PKD2L2: variants seen among roughly 807,000 people sequenced by gnomAD.
PKD2L2 encodes the protein polycystin 2 like 2, transient receptor potential cation channel.
A neutral mutation model predicts 83.9 loss-of-function variants in PKD2L2; 67 were observed. The ratio of observed to expected loss-of-function variants is 0.80; its 90% CI spans 0.66 to 0.98. The LOEUF is 0.98. Among genes scored for constraint, PKD2L2 ranks in the 50% least tolerant of loss-of-function variants. The probability of loss-of-function intolerance (pLI) is 0.00; values close to 1 mark genes in which losing one functional copy is unlikely to be tolerated. For missense variants in PKD2L2, 632 were observed against 717.2 expected, an observed-to-expected ratio of 0.88 and a Z score of 1.36; for synonymous variants, 223 against 237.8, an observed-to-expected ratio of 0.94 and a Z score of 0.57.
At position 137,922,372 on chromosome 5, in the gene PKD2L2, T is replaced by C. The variant is rs140432402; in HGVS notation, c.1449+616T>C. ...TTTCTACATTTGTGTTATCTGGACATTAGTAGTTGCAGGAGCTGTAGTAAG... is the reference window on the plus strand; with the variant it reads ...TTTCTACATTTGTGTTATCTGGACACTAGTAGTTGCAGGAGCTGTAGTAAG... On this transcript the variant is annotated intron_variant, in intron 9 of 14. Coordinates refer to ENST00000508883, the MANE Select transcript of PKD2L2 (RefSeq NM_001300921.2). 2.3e-3 allele frequency among the ~76,000 whole-genome samples: 344 copies of C among 152,238 alleles called. 1 individual carries two copies. Among genetic ancestry groups the C allele is most frequent in the African/African-American group, 7.9e-3 (328 of 41,530 alleles).
At chr5:137,932,435 A>G (rs1287109752) in intron 12 of PKD2L2, among the ~76,000 whole-genome samples, 1 of 152,202 alleles carries the variant, frequency 6.6e-6, no homozygotes, top group Non-Finnish European at 1.5e-5. Flanking sequence ...AAGAAACCAT[A>G]ATATGTATTT....
At chr5:137,940,428 T>C in intron 14 of PKD2L2, 1 of 885,234 alleles carries the variant, frequency 1.1e-6, no homozygotes, top group Non-Finnish European at 1.8e-6. Context: ...ATATGAGACA[T>C]ACTGTTACTA....
At chr5:137,931,886 A>G (rs1241536718) in intron 12 of PKD2L2, among the ~76,000 whole-genome samples, 1 of 152,202 alleles carries the variant, frequency 6.6e-6, no homozygotes, top group Non-Finnish European at 1.5e-5. Flanking sequence ...TTACAATAAA[A>G]AGATAATTAG....
intron 8 of PKD2L2, among the ~76,000 whole-genome samples, chr5:137,910,302 C>G (rs1383895922): frequency 6.7e-6 from 1 of 150,218 alleles, no homozygotes; most frequent in Non-Finnish European, 1.5e-5. Flanking sequence ...GCATTGAATA[C>G]AGATGTAATA....
chr5:137,896,447 C>T (rs1015626835), intron 4 of PKD2L2, among the ~76,000 whole-genome samples: 1 of 152,108 alleles, frequency 6.6e-6, no homozygotes, highest in African/African-American at 2.4e-5. Context: ...ATCTCACTCT[C>T]TTGCTCAGGC....
intron 12 of PKD2L2, among the ~76,000 whole-genome samples, chr5:137,929,888 A>G (rs910746300): frequency 6.6e-6 from 1 of 152,190 alleles, no homozygotes; most frequent in Admixed American, 6.5e-5. Flanking sequence ...CAAACAAAAG[A>G]TATCAGGGGA....
chr5:137,909,496 G>T (rs1757631597), intron 8 of PKD2L2, among the ~76,000 whole-genome samples: 1 of 148,560 alleles, frequency 6.7e-6, no homozygotes, highest in Non-Finnish European at 1.5e-5. Context: ...AATAGAAATT[G>T]TCCCCCATGT....
At position 137,918,106 on chromosome 5, in the gene PKD2L2, T is replaced by C. The variant is rs1758548947; in HGVS notation, c.1329-3530T>C. 3.3e-5 allele frequency among the ~76,000 whole-genome samples: 5 copies of C among 152,216 alleles called. No homozygotes were observed. In the South Asian group the frequency reaches 1.0e-3, roughly 32 times the overall value. On this transcript the variant is annotated intron_variant, in intron 8 of 14. Coordinates refer to ENST00000508883, the MANE Select transcript of PKD2L2 (RefSeq NM_001300921.2). ...AACCAGACATTTGAATCTAATAATG[T>C]GATAATTTTGAAAATCAGATTCTTC...
intron 12 of PKD2L2, among the ~76,000 whole-genome samples, chr5:137,932,960 C>A (rs1235883060): frequency 2.0e-5 from 3 of 150,616 alleles, no homozygotes; most frequent in African/African-American, 7.3e-5. Flanking sequence ...CCAAAAGCAG[C>A]TAGATGCTAC....
intron 3 of PKD2L2, among the ~76,000 whole-genome samples, 199 bp downstream of exon 3, chr5:137,892,812 T>A (rs1032692279): frequency 1.5e-4 from 23 of 152,336 alleles, no homozygotes; most frequent in African/African-American, 3.6e-4. Flanking sequence ...TGTAATTTTT[T>A]AAAAAATTTT....
intron 12 of PKD2L2, among the ~76,000 whole-genome samples, chr5:137,928,629 A>G (rs1204558560): frequency 6.6e-6 from 1 of 152,158 alleles, no homozygotes; most frequent in African/African-American, 2.4e-5. Flanking sequence ...ATGAGGTTTC[A>G]CCATGCTACC....
At chr5:137,907,969 TTAAAC>T (rs766682399) in intron 7 of PKD2L2, 57 bp downstream of exon 7, 59 of 783,886 alleles carry the variant, frequency 7.5e-5, no homozygotes, top group Non-Finnish European at 1.0e-4. Context: ...TAATGAAAAA[TTAAAC>T]TAAAAAGCCA....
Position 137,890,505 on chromosome 5 carries a change from A to G in PKD2L2, c.56A>G (p.Tyr19Cys), listed in dbSNP as rs1755869747. ...GGGGCTTCGAAACATAAGTTGCATT[A>G]CAGAAAGGAAGTAGAAATTACAACC... ...RGGASKHKLH[Y>C]RKEVEITTTL... Residue 19 changes from tyrosine (Y) to cysteine (C), a missense_variant, in exon 2 of 15, where the codon TAC (tyrosine) becomes TGC (cysteine). This residue lies in a region of PKD2L2 where 229 missense variants were observed against 281.5 expected (regional missense o/e 0.81). Transcript: ENST00000508883. 6.3e-7 allele frequency: 1 copy of G among 1,587,206 alleles called. No homozygotes were observed. The highest frequency in any genetic ancestry group is 8.6e-7 in the Non-Finnish European group (1 of 1,167,400).
In PKD2L2 at chr5:137,906,382, A is replaced by T. The variant is rs557280775; in HGVS notation, c.923A>T (p.Lys308Met). 2 of 1,611,028 alleles carry T rather than the reference A, an allele frequency of 1.2e-6. No homozygotes were observed. The highest frequency in any genetic ancestry group is 2.2e-5 in the South Asian group (2 of 90,930). ...TQEVKKIKEF[K>M]SAYFKSIWNW... Reference sequence around the variant, plus strand: ...GAAGTCAAAAAAATAAAAGAATTTAAGTCTGCCTATTTCAAAAGTATTTGG... The same window carrying T: ...GAAGTCAAAAAAATAAAAGAATTTATGTCTGCCTATTTCAAAAGTATTTGG... The change falls in exon 6 of 15, where the codon AAG becomes ATG. Residue 308 changes from lysine to methionine, a missense_variant. Around this residue, in one of 3 missense-constraint regions of PKD2L2, gnomAD observed 399 missense variants for 416.9 expected, o/e 0.96. Transcript: ENST00000508883.
Position 137,899,581 on chromosome 5 carries a change from A to G in PKD2L2, c.590A>G (p.Asn197Ser), listed in dbSNP as rs369114619. 2 of 1,613,992 alleles carry G rather than the reference A, an allele frequency of 1.2e-6. No homozygotes were observed. The highest frequency in any genetic ancestry group is 1.7e-6 in the Non-Finnish European group (2 of 1,179,852). ...TGGGGATTTCTTGGTGTTTACCGAA[A>G]TGGGGGATACATTTTCACTTTATCA... Reference protein sequence around the residue: ...WHWGFLGVYRNGGYIFTLSKS... With the variant: ...WHWGFLGVYRSGGYIFTLSKS... Residue 197 changes from asparagine (N) to serine (S), a missense_variant, in exon 5 of 15, where the codon AAT (asparagine) becomes AGT (serine). By Grantham distance (46) the Asn-to-Ser change is conservative (BLOSUM62 1). Coordinates refer to ENST00000508883, the MANE Select transcript of PKD2L2 (RefSeq NM_001300921.2).
At chr5:137,911,009 T>TAC (rs1292978190) in intron 8 of PKD2L2, among the ~76,000 whole-genome samples, 3 of 152,174 alleles carry the variant, frequency 2.0e-5, no homozygotes, top group Non-Finnish European at 4.4e-5. Flanking sequence ...CTTCTAAGTG[T>TAC]ACAGTTCAGT....
intron 14 of PKD2L2, chr5:137,939,676 T>C (rs1761083458): frequency 5.2e-6 from 1 of 192,188 alleles, no homozygotes; most frequent in African/African-American, 2.4e-5. Flanking sequence ...ACTTTGGGAA[T>C]TAAACAGAAA....
intron 12 of PKD2L2, among the ~76,000 whole-genome samples, chr5:137,926,138 A>G (rs1244621286): frequency 6.6e-6 from 1 of 152,318 alleles, no homozygotes; most frequent in East Asian, 1.9e-4. Context: ...CTGTACTCTC[A>G]GCCAGATACG....
At chr5:137,936,192 T>C (rs1316769766) in intron 13 of PKD2L2, 128 bp from the exon 14 acceptor site, 1 of 757,544 alleles carries the variant, frequency 1.3e-6, no homozygotes, top group Non-Finnish European at 2.1e-6. Flanking sequence ...GATCTATAAC[T>C]GGCCACAAGA....
Sources: gnomAD v4.1 joint callset for allele counts (sites outside exome capture counted in the v4.1 genomes callset) on GRCh38, gnomAD v4.1.1 for gene constraint, gnomAD v4.1.1 regional missense constraint, MANE v1.5 for transcripts, NCBI Gene and HGNC (gene_info 2026-07-23, HGNC 2026-07-21) for gene names.